Variants in SHANK2 observed in about 807,000 individuals in gnomAD.
SHANK2 encodes SH3 and multiple ankyrin repeat domains protein 2.
A neutral mutation model predicts 133.7 loss-of-function variants in SHANK2; 43 were observed. That is an observed-to-expected ratio of 0.32 (90% CI 0.25 to 0.41). The LOEUF (loss-of-function observed/expected upper bound fraction) is 0.41, where lower values mean the gene tolerates loss of function less well. Among genes scored for constraint, SHANK2 ranks in the 10% least tolerant of loss-of-function variants. The probability of loss-of-function intolerance (pLI) is 1.00; values close to 1 mark genes in which losing one functional copy is unlikely to be tolerated. For synonymous variants in SHANK2, 1,017 were observed against 952.8 expected (o/e 1.07, Z -1.24); for missense variants, 1,994 against 2,235.8 (o/e 0.89, Z 2.18).
chr11:71,249,722 T>C (rs148394527), intron 1 of SHANK2, among the ~76,000 whole-genome samples: 1 of 152,326 alleles, frequency 6.6e-6, no homozygotes, highest in East Asian at 1.9e-4. Flanking sequence ...GCAACTCTGT[T>C]ACGTATTTGG....
intron 15 of SHANK2, among the ~76,000 whole-genome samples, chr11:70,691,315 G>A (rs1357418906): frequency 6.6e-6 from 1 of 152,094 alleles, no homozygotes; most frequent in African/African-American, 2.4e-5. Context: ...AGGGAAGGAG[G>A]GAGAAAGGCA....
rs980393785 is a variant in SHANK2, at chr11:70,614,680, C to T, written c.2061+45148G>A. ...AGCATTCCAGGCCCTTCCTTCATCC[C>T]ATCCTCCAGTCTTTGTCTCAGTGAC... On this transcript the variant is annotated intron_variant, in intron 17 of 25. Transcript: ENST00000601538. 4.6e-5 allele frequency among the ~76,000 whole-genome samples: 7 copies of T among 152,364 alleles called. No homozygotes were observed. In the East Asian group the frequency reaches 1.4e-3, roughly 29 times the overall value.
intron 17 of SHANK2, among the ~76,000 whole-genome samples, chr11:70,636,429 G>A (rs965179451): frequency 6.6e-6 from 1 of 152,166 alleles, no homozygotes; most frequent in East Asian, 1.9e-4. Flanking sequence ...GTGTGCAAGT[G>A]TGTGAGCATA....
intron 14 of SHANK2, among the ~76,000 whole-genome samples, chr11:70,769,969 C>T (rs551934873): frequency 4.6e-5 from 7 of 152,310 alleles, no homozygotes; most frequent in Admixed American, 2.0e-4. Context: ...CATCTTCCTC[C>T]GCCATCTCCT....
chr11:70,718,566 C>A (rs557020698), intron 14 of SHANK2, among the ~76,000 whole-genome samples: 77 of 152,346 alleles, frequency 5.1e-4, no homozygotes, highest in Admixed American at 1.2e-3. Flanking sequence ...GGGCTGGGGG[C>A]TGAGCCTCCT....
At chr11:70,610,770 G>A (rs781947864) in intron 17 of SHANK2, among the ~76,000 whole-genome samples, 1 of 152,188 alleles carries the variant, frequency 6.6e-6, no homozygotes, top group Non-Finnish European at 1.5e-5. Context: ...CACCCCTGCC[G>A]GCCCCTCTGG....
At chr11:70,935,231 C>T (rs1950555052) in intron 10 of SHANK2, among the ~76,000 whole-genome samples, 1 of 152,104 alleles carries the variant, frequency 6.6e-6, no homozygotes, top group Non-Finnish European at 1.5e-5. Context: ...GCTGTCTAGG[C>T]CACCCACCCA....
intron 2 of SHANK2, among the ~76,000 whole-genome samples, chr11:71,181,302 A>G (rs988309666): frequency 5.3e-5 from 8 of 152,076 alleles, no homozygotes; most frequent in Admixed American, 6.6e-5. Flanking sequence ...TCATGTGCAA[A>G]GAAGCCACTG....
intron 10 of SHANK2, among the ~76,000 whole-genome samples, chr11:70,923,013 T>G (rs1175425148): frequency 6.6e-6 from 1 of 152,194 alleles, no homozygotes; most frequent in East Asian, 1.9e-4. Context: ...AAGTACCTAT[T>G]ATATTACTAT....
chr11:70,612,974 T>A (rs948801783), intron 17 of SHANK2, among the ~76,000 whole-genome samples: 1 of 152,148 alleles, frequency 6.6e-6, no homozygotes, highest in African/African-American at 2.4e-5. Context: ...GGCATCCGGA[T>A]CCTTTCTTGT....
chr11:70,477,476 A>C (rs782452854), intron 25 of SHANK2: 1 of 152,194 alleles, frequency 6.6e-6, no homozygotes, highest in Non-Finnish European at 1.5e-5. Context: ...AAGAAGAAAA[A>C]TAACCAGGAA....
At chr11:70,794,257 G>T (rs1364822887) in intron 14 of SHANK2, among the ~76,000 whole-genome samples, 1 of 149,566 alleles carries the variant, frequency 6.7e-6, no homozygotes, top group Admixed American at 6.7e-5. Flanking sequence ...CTCCAGTCTG[G>T]GCAACAGAGA....
At chr11:70,589,352 G>C (rs1278888643) in intron 17 of SHANK2, among the ~76,000 whole-genome samples, 1 of 151,974 alleles carries the variant, frequency 6.6e-6, no homozygotes, top group Non-Finnish European at 1.5e-5. Context: ...ACAAAGCCTG[G>C]ATGACAGCAT....
At chr11:70,548,782 G>A (rs2059727821) in intron 17 of SHANK2, among the ~76,000 whole-genome samples, 1 of 152,206 alleles carries the variant, frequency 6.6e-6, no homozygotes, top group Admixed American at 6.5e-5. Context: ...ATCAAGTTAA[G>A]ATGAGGTCAC....
chr11:70,775,142 A>G (rs1440472825), intron 14 of SHANK2, among the ~76,000 whole-genome samples: 1 of 152,074 alleles, frequency 6.6e-6, no homozygotes, highest in African/African-American at 2.4e-5. Context: ...CTGGGCGACA[A>G]AGGCAATCCT....
chr11:70,806,604 C>T (rs1280100432), intron 13 of SHANK2, among the ~76,000 whole-genome samples: 11 of 152,312 alleles, frequency 7.2e-5, no homozygotes, highest in African/African-American at 2.2e-4. Context: ...ACACTGCAGG[C>T]CCCGGGCCTC....
intron 2 of SHANK2, among the ~76,000 whole-genome samples, chr11:71,165,793 CAG>C (rs782298380): frequency 5.3e-5 from 8 of 152,106 alleles, no homozygotes; most frequent in Non-Finnish European, 4.4e-5. Context: ...TTCTCAGGAG[CAG>C]AGACACGTCT....
At chr11:71,161,900 G>A (rs1555109973) in intron 2 of SHANK2, among the ~76,000 whole-genome samples, 1 of 152,100 alleles carries the variant, frequency 6.6e-6, no homozygotes, top group African/African-American at 2.4e-5. Context: ...ATTTTTCATT[G>A]GCATTTTCTT....
intron 10 of SHANK2, among the ~76,000 whole-genome samples, chr11:70,945,492 C>T (rs782253722): frequency 2.6e-5 from 4 of 152,216 alleles, no homozygotes; most frequent in Non-Finnish European, 4.4e-5. Flanking sequence ...TCCAGCCCTT[C>T]CTGCTGCCAT....
Sources: gnomAD v4.1 joint callset for allele counts (sites outside exome capture counted in the v4.1 genomes callset) on GRCh38, gnomAD v4.1.1 for gene constraint, MANE v1.5 for transcripts, NCBI Gene and HGNC (gene_info 2026-07-23, HGNC 2026-07-21) for gene names.